NPTN: variants seen among roughly 807,000 people sequenced by gnomAD.
NPTN encodes SDR-1.
In NPTN, 5 loss-of-function variants were observed where a neutral mutation model predicts 42.7. That is an observed-to-expected ratio of 0.12 (90% CI 0.06 to 0.25). The LOEUF is 0.25. NPTN is among the 10% of genes least tolerant of loss of function. The pLI, the probability that NPTN is intolerant of heterozygous loss-of-function variation, is 1.00. For missense variants in NPTN, 307 were observed against 525.4 expected, an observed-to-expected ratio of 0.58 and a Z score of 4.06; for synonymous variants, 180 against 201.9, an observed-to-expected ratio of 0.89 and a Z score of 0.92.
Position 73,597,172 on chromosome 15 carries a change from C to A in NPTN, c.289G>T (p.Gly97Cys). Reference protein sequence around the residue: ...VTVNTAYGSNGVSVLRITRLT... With the variant: ...VTVNTAYGSNCVSVLRITRLT... ...CGGGTTATTCTCAGCACACTCACGC[C>A]GTTTGACCCGTAGGCGGTGTTTACG... Residue 97 changes from glycine to cysteine, a missense_variant, in exon 2 of 9, where the codon GGC becomes TGC. Gly to Cys is a radical substitution (Grantham distance 159, BLOSUM62 -3). Transcript: ENST00000345330. The surrounding 1 kb of genome is among the most constrained non-coding windows in gnomAD (Gnocchi z 6.3). 6.2e-7 allele frequency: 1 copy of A among 1,614,158 alleles called. No individual in the cohort carries two copies. Among genetic ancestry groups the A allele is most frequent in the Non-Finnish European group, 8.5e-7 (1 of 1,180,026 alleles).
Position 73,563,236 on chromosome 15 carries a change from A to G in NPTN, c.1136T>C (p.Met379Thr), listed in dbSNP as rs377554027. ...AATCAATGTCCAATAAAGTACTTAC[A>G]TTGGTCCAGCTGGTTCATCATCTAC... ...VPDDDEPAGP[M>T]KTNSTNNHKD... The change falls in exon 7 of 9, where the codon ATG (methionine) becomes ACG (threonine). Residue 379 changes from methionine (M) to threonine (T), a missense_variant and splice_region_variant. Met to Thr is a moderately conservative substitution (Grantham distance 81, BLOSUM62 -1). Coordinates refer to ENST00000345330, the MANE Select transcript of NPTN (RefSeq NM_012428.4). The G allele has an allele frequency of 8.2e-5, 130 of 1,589,462 alleles. No homozygotes were observed. The highest frequency in any genetic ancestry group is 1.1e-4 in the Non-Finnish European group (127 of 1,157,856).
At chr15:73,606,103 C>T (rs1897286118) in intron 1 of NPTN, among the ~76,000 whole-genome samples, 2 of 152,152 alleles carry the variant, frequency 1.3e-5, no homozygotes, top group South Asian at 4.1e-4. Flanking sequence ...CAGGCTTTTA[C>T]AGTACTCAGG....
In NPTN at chr15:73,570,020, T is replaced by C; in HGVS notation, c.1114+130A>G. The C allele has an allele frequency of 1.2e-6, 1 of 811,102 alleles. No individual in the cohort carries two copies. Among genetic ancestry groups the C allele is most frequent in the Non-Finnish European group, 1.8e-6 (1 of 567,408 alleles). 50.2% of individuals were successfully genotyped at this position (811,102 alleles called of 1,614,324 possible). A position where few individuals can be genotyped will look rare whatever the true frequency, so the allele number is the denominator to read the frequency against. Reference sequence around the variant, plus strand: ...CTCTTACGGGTAGGGGGTTAGGAACTGGTATAAGAATTTTCCTTCTTTCCT... The same window carrying C: ...CTCTTACGGGTAGGGGGTTAGGAACCGGTATAAGAATTTTCCTTCTTTCCT... On this transcript the variant is annotated intron_variant, in intron 6 of 8. Transcript: ENST00000345330. This position sits in a 1 kb window ranked among gnomAD's most constrained non-coding sequence, Gnocchi z 4.0.
At chr15:73,567,875 G>A (rs1423813032) in intron 6 of NPTN, 5 of 985,260 alleles carry the variant, frequency 5.1e-6, no homozygotes, top group Admixed American at 6.1e-5. Context: ...CAACAACAAC[G>A]AAGTAAACGC....
chr15:73,574,758 A>T (rs1285752915), intron 4 of NPTN, among the ~76,000 whole-genome samples: 1 of 152,088 alleles, frequency 6.6e-6, no homozygotes, highest in African/African-American at 2.4e-5. Context: ...TGGACACCTG[A>T]TTTGCAACAG....
Position 73,569,812 on chromosome 15 carries a change from T to C in NPTN, c.1114+338A>G. ...AGCTCAATCTGCCTGATGATCTGTA[T>C]TGAAGGAGGACAGAGCTGAACAAAG... is the stretch of plus-strand genomic sequence containing the variant. On this transcript the variant is annotated intron_variant, in intron 6 of 8. Transcript: ENST00000345330. This position sits in a 1 kb window ranked among gnomAD's most constrained non-coding sequence, Gnocchi z 4.1. 1.0e-6 allele frequency: 1 copy of C among 985,214 alleles called. No individual in the cohort carries two copies. Among genetic ancestry groups the C allele is most frequent in the Non-Finnish European group, 1.2e-6 (1 of 829,878 alleles). 61.0% of individuals were successfully genotyped at this position (985,214 alleles called of 1,614,324 possible). A position where few individuals can be genotyped will look rare whatever the true frequency, so the allele number is the denominator to read the frequency against.
In NPTN at chr15:73,597,514, T is replaced by C. The variant is rs759070520; in HGVS notation, c.92-145A>G. ...CAAAAAAGGATTCATTTTTAAACTA[T>C]AAAGAGACAGTACAGCAATTCATAC... On this transcript the variant is annotated intron_variant, in intron 1 of 8. Coordinates refer to ENST00000345330, the MANE Select transcript of NPTN (RefSeq NM_012428.4). The surrounding 1 kb of genome is among the most constrained non-coding windows in gnomAD (Gnocchi z 6.3). The C allele has an allele frequency of 2.6e-5, 17 of 665,238 alleles. No individual in the cohort carries two copies. Among genetic ancestry groups the C allele is most frequent in the Non-Finnish European group, 4.0e-5 (16 of 395,670 alleles). The allele number at this position is 665,238 out of a possible 1,614,324, so 41.2% of individuals were successfully genotyped here.
At position 73,573,768 on chromosome 15, in the gene NPTN, C is replaced by G; in HGVS notation, c.734G>C (p.Arg245Pro). ...CTGCCCTTCATTCTTGTTCTCACTC[C>G]GTTTATGGCCAGTGATGTCAGGAGC... is the stretch of plus-strand genomic sequence containing the variant. ...KAAPDITGHKRSENKNEGQDA... is the reference protein window; with the variant it reads ...KAAPDITGHKPSENKNEGQDA... The change falls in exon 5 of 9, where the codon CGG (arginine) becomes CCG (proline). Residue 245 changes from arginine to proline, a missense_variant. Arg to Pro is a moderately radical substitution (Grantham distance 103, BLOSUM62 -2). Coordinates refer to ENST00000345330, the MANE Select transcript of NPTN (RefSeq NM_012428.4). 14 of 1,602,374 alleles carry G rather than the reference C, an allele frequency of 8.7e-6. No individual in the cohort carries two copies. The highest frequency in any genetic ancestry group is 1.2e-5 in the Non-Finnish European group (14 of 1,175,020).
chr15:73,597,895 C>T lies in NPTN; in HGVS notation c.92-526G>A, dbSNP rs574928433. 6.6e-6 allele frequency among the ~76,000 whole-genome samples: 1 copy of T among 152,190 alleles called. No homozygotes were observed. Among genetic ancestry groups the T allele is most frequent in the African/African-American group, 2.4e-5 (1 of 41,452 alleles). ...GAAGTATTAAATGACCTACTGGTGC[C>T]TTCTCTTGGGATTCAGAGTTCAAAT... On this transcript the variant is annotated intron_variant, in intron 1 of 8. Coordinates refer to ENST00000345330, the MANE Select transcript of NPTN (RefSeq NM_012428.4). The surrounding 1 kb of genome is among the most constrained non-coding windows in gnomAD (Gnocchi z 6.3).
chr15:73,614,698 G>GA (rs370976130), intron 1 of NPTN, among the ~76,000 whole-genome samples: 2 of 151,912 alleles, frequency 1.3e-5, no homozygotes, highest in Non-Finnish European at 2.9e-5. Context: ...GAAGGATTAA[G>GA]AAAAAAATCC....
rs945674806 is a variant in NPTN, at chr15:73,566,945, T to C, written c.1114+3205A>G. On this transcript the variant is annotated intron_variant, in intron 6 of 8. Coordinates refer to ENST00000345330, the MANE Select transcript of NPTN (RefSeq NM_012428.4). ...GGACTAAAGGAATGCAGGTGGGTGT[T>C]TTCATGTAGGAAATGGTCTGAGAAT... 10 of 883,002 alleles carry C rather than the reference T, an allele frequency of 1.1e-5. No homozygotes were observed. The African/African-American group carries it at 1.8e-4, about 16-fold the overall frequency. The allele number at this position is 883,002 out of a possible 1,614,324, so 54.7% of individuals were successfully genotyped here.
intron 1 of NPTN, 55 bp downstream of exon 1, chr15:73,633,070 T>A: frequency 3.2e-6 from 4 of 1,232,858 alleles, no homozygotes; most frequent in Non-Finnish European, 4.3e-6. Context: ...CCGGGCCCCC[T>A]CCGGCCCCGG....
At chr15:73,576,991 T>C (rs796501284) in intron 4 of NPTN, among the ~76,000 whole-genome samples, 6 of 152,342 alleles carry the variant, frequency 3.9e-5, no homozygotes, top group African/African-American at 1.4e-4. Context: ...TTAGCTGTTC[T>C]TGAGGTTTTT....
At chr15:73,631,517 T>C (rs1239979579) in intron 1 of NPTN, among the ~76,000 whole-genome samples, 1 of 152,240 alleles carries the variant, frequency 6.6e-6, no homozygotes, top group East Asian at 1.9e-4. Flanking sequence ...GTCAATCCTT[T>C]ATTCGTTTTA....
chr15:73,633,090 A>AC, intron 1 of NPTN, 35 bp downstream of exon 1: 5 of 1,376,286 alleles, frequency 3.6e-6, no homozygotes, highest in Non-Finnish European at 4.7e-6. Flanking sequence ...GCGCCCCTCA[A>AC]CCCCCGCCCG....
intron 5 of NPTN, among the ~76,000 whole-genome samples, chr15:73,572,211 G>A (rs1220627071): frequency 6.6e-6 from 1 of 152,102 alleles, no homozygotes; most frequent in Non-Finnish European, 1.5e-5. Flanking sequence ...ACAACTCTTG[G>A]TTTTGCCACT....
At chr15:73,617,953 C>T (rs939775167) in intron 1 of NPTN, among the ~76,000 whole-genome samples, 6 of 152,324 alleles carry the variant, frequency 3.9e-5, no homozygotes, top group Admixed American at 6.5e-5. Flanking sequence ...CTGACTACCC[C>T]TAGCACCACT....
rs970562642 is a variant in NPTN at position 73,633,381 on chromosome 15, C to G, written c.-166G>C. 2.3e-5 allele frequency: 11 copies of G among 488,762 alleles called. No homozygotes were observed. In the Admixed American group the frequency reaches 4.0e-4, roughly 18 times the overall value. The allele number at this position is 488,762 out of a possible 1,614,324, so 30.3% of individuals were successfully genotyped here. On this transcript the variant is annotated 5_prime_UTR_variant, in exon 1 of 9. Transcript: ENST00000345330. The stretch of plus-strand genomic sequence containing the variant: ...CGTCCTCCTCCTGCCGCCGCAGCGC[C>G]CAGGCCTCGCGAGACCTTCGCTCCG...
intron 1 of NPTN, among the ~76,000 whole-genome samples, chr15:73,625,357 C>T (rs572957807): frequency 1.3e-4 from 19 of 147,006 alleles, no homozygotes; most frequent in African/African-American, 4.2e-4. Context: ...TTCTAAAGAG[C>T]TTTTTTTTTT....
Sources: allele counts gnomAD v4.1 joint callset (sites outside exome capture counted in the v4.1 genomes callset), GRCh38; gene constraint gnomAD v4.1.1; non-coding constraint Gnocchi (gnomAD v3.1); transcripts MANE v1.5; gene names NCBI Gene and HGNC (gene_info 2026-07-23, HGNC 2026-07-21).